ANKRD28: variants seen among roughly 807,000 people sequenced by gnomAD.
ANKRD28 encodes the protein serine/threonine-protein phosphatase 6 regulatory ankyrin repeat subunit A.
A neutral mutation model predicts 126.5 loss-of-function variants in ANKRD28; 44 were observed. The observed-to-expected ratio is 0.35, with a 90% CI of 0.27 to 0.45. The LOEUF is 0.45. Ranked by LOEUF, ANKRD28 falls within the 20% of genes least tolerant of loss-of-function variation. ANKRD28 has a pLI of 1.00. For synonymous variants in ANKRD28, 442 were observed against 468.5 expected (o/e 0.94, Z 0.73); for missense variants, 1,110 against 1,316.6 (o/e 0.84, Z 2.43).
rs1330161819 is a variant in ANKRD28, at chr3:15,667,460, T to TG, written c.*2809_*2810insC. 1 of 152,258 alleles carries TG rather than the reference T, an allele frequency of 6.6e-6. No homozygotes were observed. Among genetic ancestry groups the TG allele is most frequent in the African/African-American group, 2.4e-5 (1 of 41,466 alleles). 9.4% of individuals were successfully genotyped at this position (152,258 alleles called of 1,614,324 possible). Reference sequence around the variant, plus strand: ...ATCAGATATTTCAGATGTCATCTTTTATGTATAAGTTAAATAAAGCAAACA... The same window carrying TG: ...ATCAGATATTTCAGATGTCATCTTTTGATGTATAAGTTAAATAAAGCAAACA... On this transcript the variant is annotated 3_prime_UTR_variant, in exon 28 of 28. Transcript: ENST00000683139.
intron 1 of ANKRD28, among the ~76,000 whole-genome samples, chr3:15,826,828 G>A (rs2061077481): frequency 1.3e-5 from 2 of 152,154 alleles, no homozygotes. Context: ...AATGACAGCA[G>A]CAGGAACTAA....
intron 3 of ANKRD28, among the ~76,000 whole-genome samples, chr3:15,757,256 T>A (rs1375945207): frequency 6.6e-6 from 1 of 152,140 alleles, no homozygotes; most frequent in Non-Finnish European, 1.5e-5. Flanking sequence ...CTATTAGTAG[T>A]TTTTAGGGAG....
At chr3:15,708,725 G>A (rs949038518) in intron 13 of ANKRD28, among the ~76,000 whole-genome samples, 1 of 152,028 alleles carries the variant, frequency 6.6e-6, no homozygotes, top group African/African-American at 2.4e-5. Context: ...CATTAAGTAG[G>A]CTTATGAGAG....
rs765947189 is a variant in ANKRD28 at position 15,670,564 on chromosome 3, T to TA, written c.2966-9dup. ...CCAAAGCTGGGGTATAGCCTAGAAT[T>TA]AAAGATAAAATTTAAAAATTAAGCA... On this transcript the variant is annotated splice_polypyrimidine_tract_variant and intron_variant, in intron 27 of 27. Coordinates refer to ENST00000683139, the MANE Select transcript of ANKRD28 (RefSeq NM_001349278.2). 5.6e-6 allele frequency: 9 copies of TA among 1,603,962 alleles called. No homozygotes were observed. Among genetic ancestry groups the TA allele is most frequent in the Non-Finnish European group, 6.8e-6 (8 of 1,174,176 alleles).
Position 15,735,541 on chromosome 3 carries a change from A to T in ANKRD28, c.553-44T>A, listed in dbSNP as rs760921046. On this transcript the variant is annotated intron_variant, in intron 5 of 27. Coordinates refer to ENST00000683139, the MANE Select transcript of ANKRD28 (RefSeq NM_001349278.2). ...CAGTGTCATCAAAATTGTGAAGCAC[A>T]ATTGTCTATGAATGTACATTTCTGA... 7 of 1,410,112 alleles carry T rather than the reference A, an allele frequency of 5.0e-6. No individual in the cohort carries two copies. The South Asian group carries it at 8.9e-5, about 18-fold the overall frequency. The allele number at this position is 1,410,112 out of a possible 1,614,324, so 87.3% of individuals were successfully genotyped here.
At chr3:15,730,817 G>A (rs961456732) in intron 6 of ANKRD28, among the ~76,000 whole-genome samples, 2 of 152,176 alleles carry the variant, frequency 1.3e-5, no homozygotes, top group African/African-American at 4.8e-5. Context: ...TGTGTCCTCC[G>A]AAGTTCATAT....
intron 3 of ANKRD28, among the ~76,000 whole-genome samples, chr3:15,759,478 G>A (rs2058342272): frequency 6.6e-6 from 1 of 151,988 alleles, no homozygotes; most frequent in Admixed American, 6.6e-5. Flanking sequence ...AGATTCTATG[G>A]ATGTATTCAC....
chr3:15,811,757 A>G (rs2060717430), intron 1 of ANKRD28, among the ~76,000 whole-genome samples: 1 of 151,796 alleles, frequency 6.6e-6, no homozygotes, highest in Non-Finnish European at 1.5e-5. Flanking sequence ...CTGGCCAGGG[A>G]CAATTTTTTT....
chr3:15,687,565 C>T (rs1299558039), intron 18 of ANKRD28, among the ~76,000 whole-genome samples: 1 of 152,022 alleles, frequency 6.6e-6, no homozygotes, highest in Non-Finnish European at 1.5e-5. Context: ...CAGAAAAGAA[C>T]GTCTATCACT....
chr3:15,726,710 A>AT (rs1330451903), intron 6 of ANKRD28, among the ~76,000 whole-genome samples: 1 of 152,228 alleles, frequency 6.6e-6, no homozygotes, highest in East Asian at 1.9e-4. Context: ...TAAACAGCAG[A>AT]TTTTCAATGC....
intron 15 of ANKRD28, among the ~76,000 whole-genome samples, chr3:15,695,686 C>G (rs965462124): frequency 3.9e-4 from 60 of 152,098 alleles, no homozygotes; most frequent in African/African-American, 1.4e-3. Flanking sequence ...AGAATCAGAC[C>G]ACAGCAGAAA....
chr3:15,799,176 T>C (rs917256672), upstream of ANKRD28, among the ~76,000 whole-genome samples: 12 of 152,176 alleles, frequency 7.9e-5, no homozygotes, highest in African/African-American at 2.9e-4. Flanking sequence ...TACTAGCTTA[T>C]AAAAGTGATC....
At chr3:15,724,658 A>G in intron 6 of ANKRD28, 134 bp from the exon 7 acceptor site, 1 of 852,122 alleles carries the variant, frequency 1.2e-6, no homozygotes. Flanking sequence ...GAATCATGTT[A>G]ACTTGAGAGA....
At chr3:15,770,191 C>A (rs1444360603) in intron 2 of ANKRD28, among the ~76,000 whole-genome samples, 1 of 152,050 alleles carries the variant, frequency 6.6e-6, no homozygotes, top group Non-Finnish European at 1.5e-5. Context: ...CTCTGACAGA[C>A]AACTGTAAAA....
rs769436794 is a variant in ANKRD28, at chr3:15,677,494, A to C, written c.2776T>G (p.Leu926Val). Residue 926 changes from leucine to valine, a missense_variant, in exon 25 of 28, where the codon TTG becomes GTG. Leu to Val is a conservative substitution (Grantham distance 32, BLOSUM62 1). Transcript: ENST00000683139. ...TGTATACATACCTTGCTACAAGCCA[A>C]ATGGAGGGCAGTATTTTTACTGTTA... ...QDNSKNTALH[L>V]ACSKGHETSA... 1 of 1,612,200 alleles carries C rather than the reference A, an allele frequency of 6.2e-7. No individual in the cohort carries two copies. The highest frequency in any genetic ancestry group is 8.5e-7 in the Non-Finnish European group (1 of 1,178,504).
chr3:15,787,191 T>C (rs1219641290), intron 2 of ANKRD28, among the ~76,000 whole-genome samples: 1 of 152,156 alleles, frequency 6.6e-6, no homozygotes, highest in East Asian at 1.9e-4. Context: ...AGAACTCATG[T>C]ATAACATGCT....
In ANKRD28 at chr3:15,833,814, G is replaced by A. The variant is rs1181937185; in HGVS notation, c.27+25563C>T. ...TCCAATAATGGAACACTAGGCATAAGTGGATTAATTTGTATTTCTTTTATG... is the reference window on the plus strand; with the variant it reads ...TCCAATAATGGAACACTAGGCATAAATGGATTAATTTGTATTTCTTTTATG... On this transcript the variant is annotated intron_variant, in intron 1 of 27. Transcript: ENST00000399451. This position sits in a 1 kb window ranked among gnomAD's most constrained non-coding sequence, Gnocchi z 4.4. Among the ~76,000 whole-genome samples the A allele has an allele frequency of 1.3e-5, 2 of 152,012 alleles. No homozygotes were observed. The highest frequency in any genetic ancestry group is 2.9e-5 in the Non-Finnish European group (2 of 68,008).
chr3:15,806,740 T>C (rs1352601663), intron 1 of ANKRD28, among the ~76,000 whole-genome samples: 1 of 152,166 alleles, frequency 6.6e-6, no homozygotes, highest in Non-Finnish European at 1.5e-5. Context: ...CAGGCTGCTC[T>C]TGAACTCCTG....
At chr3:15,752,732 C>A (rs1000753046) in intron 3 of ANKRD28, among the ~76,000 whole-genome samples, 6 of 152,132 alleles carry the variant, frequency 3.9e-5, no homozygotes, top group Non-Finnish European at 8.8e-5. Context: ...TACAAAATAA[C>A]CTAACGTTGG....
Sources: gnomAD v4.1 joint callset for allele counts (sites outside exome capture counted in the v4.1 genomes callset) on GRCh38, gnomAD v4.1.1 for gene constraint, Gnocchi (gnomAD v3.1) non-coding constraint, MANE v1.5 for transcripts, NCBI Gene and HGNC (gene_info 2026-07-23, HGNC 2026-07-21) for gene names.